The following ANO6 variants were observed in gnomAD, a reference collection of about 807,000 sequenced individuals.
ANO6 encodes the protein anoctamin-6.
A neutral mutation model predicts 117.5 loss-of-function variants in ANO6; 106 were observed. The observed-to-expected ratio is 0.90, with a 90% CI of 0.77 to 1.06. The LOEUF (loss-of-function observed/expected upper bound fraction) is 1.06. Ranked by LOEUF, ANO6 falls within the 50% of genes least tolerant of loss-of-function variation. The pLI is 0.00. For synonymous variants in ANO6, 367 were observed against 385.1 expected (o/e 0.95, Z 0.55); for missense variants, 955 against 1,121.1 (o/e 0.85, Z 2.12).
intron 1 of ANO6, among the ~76,000 whole-genome samples, chr12:45,229,164 T>C (rs534994387): frequency 6.6e-6 from 1 of 152,248 alleles, no homozygotes; most frequent in South Asian, 2.1e-4. Context: ...AAGGATACTC[T>C]TCTCTGTGGT....
intron 19 of ANO6, among the ~76,000 whole-genome samples, chr12:45,427,203 T>C (rs1268793836): frequency 6.6e-6 from 1 of 152,110 alleles, no homozygotes; most frequent in African/African-American, 2.4e-5. Flanking sequence ...AGAGCCACTA[T>C]CATTTTTTGC....
chr12:45,276,498 C>T (rs1263153203), intron 1 of ANO6, among the ~76,000 whole-genome samples: 1 of 151,036 alleles, frequency 6.6e-6, no homozygotes, highest in Non-Finnish European at 1.5e-5. Flanking sequence ...TTTTTCCTTG[C>T]ATGCTCTTTT....
In ANO6 at chr12:45,431,445, T is replaced by C. The variant is rs891615331; in HGVS notation, c.*2134T>C. 1.8e-5 allele frequency: 18 copies of C among 985,234 alleles called. No homozygotes were observed. The Admixed American group carries it at 1.8e-4, about 10-fold the overall frequency. 61.0% of individuals were successfully genotyped at this position (985,234 alleles called of 1,614,324 possible). A position where few individuals can be genotyped will look rare whatever the true frequency, so the allele number is the denominator to read the frequency against. ...TTTACCTTATCTCCTGTATGTATGA[T>C]AGAACTTAAAAGAAATGTGCATTTG... On this transcript the variant is annotated 3_prime_UTR_variant, in exon 20 of 20. Transcript: ENST00000320560.
At chr12:45,332,684 A>G (rs555731569) in intron 3 of ANO6, among the ~76,000 whole-genome samples, 9 of 152,200 alleles carry the variant, frequency 5.9e-5, no homozygotes, top group African/African-American at 1.9e-4. Context: ...TGTTTGGCAC[A>G]TAGTTTGGGG....
intron 1 of ANO6, among the ~76,000 whole-genome samples, chr12:45,277,548 TA>T (rs1429792232): frequency 6.6e-6 from 1 of 152,328 alleles, no homozygotes; most frequent in East Asian, 1.9e-4. Context: ...ATTTATGTCT[TA>T]TTTTTTGTTG....
chr12:45,308,993 G>A (rs973262972), intron 2 of ANO6, among the ~76,000 whole-genome samples: 4 of 152,122 alleles, frequency 2.6e-5, no homozygotes, highest in Non-Finnish European at 5.9e-5. Context: ...AGAAAAAGTC[G>A]AGGGGCCCCT....
At chr12:45,366,615 A>G (rs909953189) in intron 8 of ANO6, among the ~76,000 whole-genome samples, 19 of 152,142 alleles carry the variant, frequency 1.2e-4, no homozygotes, top group African/African-American at 4.3e-4. Context: ...AACCTCTCCC[A>G]TAATGCCTTT....
intron 17 of ANO6, among the ~76,000 whole-genome samples, chr12:45,420,706 T>C (rs904646060): frequency 1.3e-5 from 2 of 152,184 alleles, no homozygotes; most frequent in African/African-American, 4.8e-5. Context: ...TTTGTTAACC[T>C]GACCTATACA....
rs139211175 is a variant in ANO6, at chr12:45,248,468, C to T, written c.70+32077C>T. On this transcript the variant is annotated intron_variant, in intron 1 of 19. Coordinates refer to ENST00000320560, the MANE Select transcript of ANO6 (RefSeq NM_001025356.3). ...TTTTTGGTGGGGACAGAGTTGCTCT[C>T]TGTCGCCCAGGCTGGAGTGGAGTGG... is the stretch of plus-strand genomic sequence containing the variant. Among the ~76,000 whole-genome samples, 1,004 of 139,560 alleles carry T rather than the reference C, an allele frequency of 7.2e-3. 11 individuals are homozygous for T. Among genetic ancestry groups the T allele is most frequent in the African/African-American group, 0.026 (962 of 36,386 alleles). 91.6% of individuals were successfully genotyped at this position (139,560 alleles called of 152,430 possible). A position where few individuals can be genotyped will look rare whatever the true frequency, so the allele number is the denominator to read the frequency against.
In ANO6 at chr12:45,401,940, C is replaced by T. The variant is rs1324207569; in HGVS notation, c.1532C>T (p.Thr511Met). 7 of 1,613,976 alleles carry T rather than the reference C, an allele frequency of 4.3e-6. No individual in the cohort carries two copies. Among genetic ancestry groups the T allele is most frequent in the African/African-American group, 1.3e-5 (1 of 74,894 alleles). The change falls in exon 13 of 20, where the codon ACG becomes ATG. Residue 511 changes from threonine to methionine, a missense_variant. Coordinates refer to ENST00000320560, the MANE Select transcript of ANO6 (RefSeq NM_001025356.3). ...YLTPQTATSI[T>M]ASIISFIIIM... is the part of the protein sequence containing the mutation. ...ACTCCACAGACAGCCACGTCCATCA[C>T]GGCCTCCATCATCAGCTTTATAATT...
intron 1 of ANO6, among the ~76,000 whole-genome samples, chr12:45,218,717 AAAT>A (rs1330821441): frequency 6.6e-6 from 1 of 152,196 alleles, no homozygotes; most frequent in African/African-American, 2.4e-5. Flanking sequence ...GCCTTTTACA[AAAT>A]AATTATTATT....
chr12:45,347,928 T>A, intron 4 of ANO6, 100 bp from the exon 5 acceptor site: 1 of 1,173,180 alleles, frequency 8.5e-7, no homozygotes, highest in South Asian at 1.3e-5. Flanking sequence ...GTCTCTGTAT[T>A]GTTTTTTTAA....
intron 1 of ANO6, among the ~76,000 whole-genome samples, chr12:45,293,955 C>G (rs1939204532): frequency 6.6e-6 from 1 of 151,932 alleles, no homozygotes; most frequent in African/African-American, 2.4e-5. Flanking sequence ...GCAGGTTTTA[C>G]TAGACATCCA....
chr12:45,348,920 T>C (rs1182082928), intron 6 of ANO6, among the ~76,000 whole-genome samples: 1 of 152,184 alleles, frequency 6.6e-6, no homozygotes, highest in Non-Finnish European at 1.5e-5. Flanking sequence ...TTAGCATTTC[T>C]GAGACCAAAA....
downstream of ANO6, among the ~76,000 whole-genome samples, chr12:45,433,110 G>A (rs968376666): frequency 6.6e-6 from 1 of 152,184 alleles, no homozygotes; most frequent in African/African-American, 2.4e-5. Flanking sequence ...TTATACCTTA[G>A]GACCAACCAG....
In ANO6 at chr12:45,403,579, T is replaced by C. The variant is rs767743701; in HGVS notation, c.1880+43T>C. 22 of 1,505,102 alleles carry C rather than the reference T, an allele frequency of 1.5e-5. No homozygotes were observed. In the Admixed American group the frequency reaches 1.8e-4, roughly 13 times the overall value. The allele number at this position is 1,505,102 out of a possible 1,614,324, so 93.2% of individuals were successfully genotyped here. ...TAGCCATGGGTAAAAGGACAAGGGA[T>C]AGAACAGCCCATCCACACAAATCAT... On this transcript the variant is annotated intron_variant, in intron 15 of 19. Coordinates refer to ENST00000320560, the MANE Select transcript of ANO6 (RefSeq NM_001025356.3).
rs569881353 is a variant in ANO6, at chr12:45,379,335, G to C, written c.1165+1222G>C. ...TTTTGCTCACTTTTTAGAGATATTT[G>C]TTGCCGCTCCACAGATAAAGTGCAC... On this transcript the variant is annotated intron_variant, in intron 10 of 19. Coordinates refer to ENST00000320560, the MANE Select transcript of ANO6 (RefSeq NM_001025356.3). Among the ~76,000 whole-genome samples the C allele has an allele frequency of 1.7e-4, 26 of 152,264 alleles. No individual in the cohort carries two copies. In the South Asian group the frequency reaches 5.0e-3, roughly 29 times the overall value.
At chr12:45,331,918 A>G (rs959040087) in intron 3 of ANO6, among the ~76,000 whole-genome samples, 9 of 152,104 alleles carry the variant, frequency 5.9e-5, no homozygotes, top group Admixed American at 6.6e-5. Context: ...ATACAAGGTC[A>G]TGGAATCTAG....
chr12:45,300,994 C>A (rs1450634028), intron 1 of ANO6, among the ~76,000 whole-genome samples: 1 of 152,146 alleles, frequency 6.6e-6, no homozygotes, highest in Non-Finnish European at 1.5e-5. Flanking sequence ...GTTTCTCTAT[C>A]CCTCTAACAT....
Sources: gnomAD v4.1 joint callset for allele counts (sites outside exome capture counted in the v4.1 genomes callset) on GRCh38, gnomAD v4.1.1 for gene constraint, MANE v1.5 for transcripts, NCBI Gene and HGNC (gene_info 2026-07-23, HGNC 2026-07-21) for gene names.